PAPPA2: variants seen among roughly 807,000 people sequenced by gnomAD.
PAPPA2 encodes pappalysin 2, also known as pappalysin-2.
Under a neutral mutation model 176.4 loss-of-function variants are expected in PAPPA2, and 86 were observed. That is an observed-to-expected ratio of 0.49 (90% CI 0.41 to 0.58). PAPPA2 has a LOEUF of 0.58. PAPPA2 is among the 20% of genes least tolerant of loss of function. PAPPA2 has a pLI of 0.00. For missense variants in PAPPA2, 2,073 were observed against 2,256.9 expected (o/e 0.92, Z 1.65); for synonymous variants, 809 against 852.2 (o/e 0.95, Z 0.88).
chr1:176,836,742 C>G (rs186036297), intron 21 of PAPPA2: 176 of 152,174 alleles, frequency 1.2e-3, no homozygotes, highest in African/African-American at 4.2e-3. Flanking sequence ...CCCCCAAAAT[C>G]TGGATTAGGT....
At chr1:176,796,662 CTTCT>C (rs879833352) in intron 20 of PAPPA2, among the ~76,000 whole-genome samples, 204 of 138,604 alleles carry the variant, frequency 1.5e-3, no homozygotes, top group Middle Eastern at 3.5e-3. Context: ...CTTTTTCTTT[CTTCT>C]TTCTTTCTCT....
chr1:176,496,820 A>G (rs1316377468), intron 1 of PAPPA2, among the ~76,000 whole-genome samples: 2 of 152,144 alleles, frequency 1.3e-5, no homozygotes, highest in Non-Finnish European at 2.9e-5. Context: ...GATGATGGTA[A>G]CTCATTCAAG....
chr1:176,749,845 A>T (rs1663087154), intron 14 of PAPPA2, among the ~76,000 whole-genome samples: 1 of 152,184 alleles, frequency 6.6e-6, no homozygotes, highest in Admixed American at 6.5e-5. Context: ...CCATTATGTG[A>T]ATGTACAACC....
intron 5 of PAPPA2, chr1:176,690,847 T>C: frequency 1.0e-6 from 1 of 995,512 alleles, no homozygotes; most frequent in Non-Finnish European, 1.2e-6. Context: ...ATTGTACTGT[T>C]TTTGAAGTTG....
chr1:176,810,666 G>A (rs1279805485), intron 21 of PAPPA2, among the ~76,000 whole-genome samples: 1 of 152,162 alleles, frequency 6.6e-6, no homozygotes, highest in Non-Finnish European at 1.5e-5. Context: ...GGGCAATAGT[G>A]TGGTTCTGGA....
intron 2 of PAPPA2, among the ~76,000 whole-genome samples, chr1:176,578,730 C>G (rs993411866): frequency 6.6e-6 from 1 of 152,122 alleles, no homozygotes; most frequent in Admixed American, 6.5e-5. Flanking sequence ...GCATTTCAGA[C>G]AGAGAGAGAT....
intron 14 of PAPPA2, among the ~76,000 whole-genome samples, chr1:176,760,119 C>T (rs1161713342): frequency 6.6e-6 from 1 of 152,136 alleles, no homozygotes; most frequent in Non-Finnish European, 1.5e-5. Context: ...TCTTGCCTTT[C>T]CAAATTCTAT....
intron 1 of PAPPA2, among the ~76,000 whole-genome samples, chr1:176,469,270 A>G (rs1025163341): frequency 6.6e-6 from 1 of 152,192 alleles, no homozygotes; most frequent in Non-Finnish European, 1.5e-5. Context: ...TTCTGCCAGA[A>G]AAAACAGTTT....
rs973193561 is a variant in PAPPA2 at position 176,602,624 on chromosome 1, C to CA, written c.1991+7037dup. The stretch of plus-strand genomic sequence containing the variant: ...GTTGAGATTCAAAGTTCCCTGAAGC[C>CA]AAAAAAAACACACGCAGGGAAAATA... On this transcript the variant is annotated intron_variant, in intron 3 of 22. Transcript: ENST00000367662. 2.5e-3 allele frequency among the ~76,000 whole-genome samples: 376 copies of CA among 148,568 alleles called. 1 individual carries two copies. Among genetic ancestry groups the CA allele is most frequent in the African/African-American group, 8.3e-3 (334 of 40,308 alleles).
chr1:176,500,451 T>C (rs909672453), intron 1 of PAPPA2, among the ~76,000 whole-genome samples: 2 of 149,370 alleles, frequency 1.3e-5, no homozygotes, highest in African/African-American at 4.9e-5. Flanking sequence ...AAAAGAAAAG[T>C]TAAACCTCTA....
chr1:176,554,972 AGTGT>A (rs561289002), intron 1 of PAPPA2, among the ~76,000 whole-genome samples: 169 of 140,918 alleles, frequency 1.2e-3, no homozygotes, highest in African/African-American at 3.6e-3. Flanking sequence ...GTTCACAGTA[AGTGT>A]GTGTGTGTGT....
At chr1:176,554,100 G>A (rs894664893) in intron 1 of PAPPA2, among the ~76,000 whole-genome samples, 6 of 152,078 alleles carry the variant, frequency 3.9e-5, no homozygotes, top group Admixed American at 1.3e-4. Flanking sequence ...GACTTGCATC[G>A]AGGCTCCAGT....
At chr1:176,588,920 A>G (rs1436222793) in intron 2 of PAPPA2, among the ~76,000 whole-genome samples, 1 of 152,206 alleles carries the variant, frequency 6.6e-6, no homozygotes, top group African/African-American at 2.4e-5. Context: ...TGTCTGCCCA[A>G]GGTGGTCTGC....
intron 1 of PAPPA2, among the ~76,000 whole-genome samples, chr1:176,488,317 ACATCTATCTAT>A (rs1307937675): frequency 2.0e-5 from 3 of 152,180 alleles, no homozygotes; most frequent in South Asian, 2.1e-4. Flanking sequence ...TTGAGATTTT[ACATCTATCTAT>A]CATCTATCTA....
chr1:176,736,718 TG>T (rs1662434552), intron 12 of PAPPA2, among the ~76,000 whole-genome samples: 1 of 150,842 alleles, frequency 6.6e-6, no homozygotes. Context: ...TATGTCCTTA[TG>T]TACAGCAAAA....
At chr1:176,816,195 T>C in intron 21 of PAPPA2, among the ~76,000 whole-genome samples, 1 of 108,910 alleles carries the variant, frequency 9.2e-6, no homozygotes, top group Admixed American at 9.6e-5. Context: ...TATATATATA[T>C]ATGTACACAT....
chr1:176,488,811 G>C (rs1363991633), intron 1 of PAPPA2, among the ~76,000 whole-genome samples: 1 of 152,106 alleles, frequency 6.6e-6, no homozygotes, highest in Non-Finnish European at 1.5e-5. Flanking sequence ...TTTGCCTTCT[G>C]CCATCACCTG....
intron 4 of PAPPA2, among the ~76,000 whole-genome samples, chr1:176,686,164 C>T (rs1004681954): frequency 3.9e-5 from 6 of 152,086 alleles, no homozygotes; most frequent in South Asian, 2.1e-4. Flanking sequence ...TGTATTAGTC[C>T]GTTCTCACGC....
chr1:176,743,746 A>T (rs1204702879), intron 14 of PAPPA2, among the ~76,000 whole-genome samples: 1 of 152,244 alleles, frequency 6.6e-6, no homozygotes, highest in African/African-American at 2.4e-5. Flanking sequence ...CAAGGTCAAG[A>T]TAGAAAAGTT....
Sources: gnomAD v4.1 joint callset for allele counts (sites outside exome capture counted in the v4.1 genomes callset) on GRCh38, gnomAD v4.1.1 for gene constraint, MANE v1.5 for transcripts, NCBI Gene and HGNC (gene_info 2026-07-23, HGNC 2026-07-21) for gene names.